RSPRY1: variants seen among roughly 807,000 people sequenced by gnomAD.
The protein encoded by RSPRY1 is RING finger and SPRY domain-containing protein 1.
RSPRY1 carries 23 observed loss-of-function variants against 73.1 expected under a neutral mutation model. The ratio of observed to expected loss-of-function variants is 0.31; its 90% CI spans 0.23 to 0.45. RSPRY1 has a LOEUF of 0.45. Among genes scored for constraint, RSPRY1 ranks in the 20% least tolerant of loss-of-function variants. The pLI, the probability that RSPRY1 is intolerant of heterozygous loss-of-function variation, is 1.00. For synonymous variants in RSPRY1, 226 were observed against 251.4 expected (o/e 0.90, Z 0.95); for missense variants, 448 against 698.7 (o/e 0.64, Z 4.05).
At chr16:57,191,092 TAGA>T (rs1332283618) in intron 1 of RSPRY1, among the ~76,000 whole-genome samples, 4 of 152,180 alleles carry the variant, frequency 2.6e-5, no homozygotes, top group Non-Finnish European at 5.9e-5. Context: ...GTACCTCAAA[TAGA>T]AGGTTTGAAA....
chr16:57,198,864 G>C (rs115919665), intron 1 of RSPRY1, among the ~76,000 whole-genome samples: 1 of 152,214 alleles, frequency 6.6e-6, no homozygotes, highest in African/African-American at 2.4e-5. Flanking sequence ...CCCCTCTGCT[G>C]TGGCAATGTT....
At chr16:57,237,388 C>T (rs2075315792) in intron 14 of RSPRY1, among the ~76,000 whole-genome samples, 1 of 152,030 alleles carries the variant, frequency 6.6e-6, no homozygotes, top group Non-Finnish European at 1.5e-5. Context: ...AGTAATCCAC[C>T]TGCCTTGGCC....
intron 14 of RSPRY1, among the ~76,000 whole-genome samples, chr16:57,237,690 T>A (rs35358243): frequency 6.6e-5 from 10 of 151,104 alleles, no homozygotes; most frequent in Non-Finnish European, 8.8e-5. Flanking sequence ...TTTTTTTATT[T>A]TTATTTATTT....
chr16:57,217,035 T>C lies in RSPRY1; in HGVS notation c.901T>C (p.Phe301Leu), dbSNP rs759509867. The change falls in exon 8 of 15, where the codon TTT (phenylalanine) becomes CTT (leucine). Residue 301 changes from phenylalanine to leucine, a missense_variant and splice_region_variant. Phe to Leu is a conservative substitution (Grantham distance 22). Coordinates refer to ENST00000394420, the MANE Select transcript of RSPRY1 (RefSeq NM_133368.3). ...FCAQWSLDNL[F>L]LKEGRQLTYE... ...TGCCCAGTGGAGCTTAGACAATCTC[T>C]GTAAGTGGGAGTTGTCCTTTATTAA... 5.0e-6 allele frequency: 8 copies of C among 1,614,130 alleles called. No homozygotes were observed. In the Admixed American group the frequency reaches 1.0e-4, roughly 20 times the overall value.
chr16:57,189,480 T>C (rs1252999257), intron 1 of RSPRY1, among the ~76,000 whole-genome samples: 1 of 151,688 alleles, frequency 6.6e-6, no homozygotes, highest in Non-Finnish European at 1.5e-5. Context: ...ATCTGAGTTA[T>C]GTAGCACTGT....
chr16:57,237,149 G>A (rs1390235653), intron 14 of RSPRY1, among the ~76,000 whole-genome samples: 2 of 152,086 alleles, frequency 1.3e-5, no homozygotes, highest in Non-Finnish European at 2.9e-5. Context: ...CCCAGGCAAA[G>A]GCAGGTTTTT....
chr16:57,223,034 CT>C (rs2075064248), intron 10 of RSPRY1, among the ~76,000 whole-genome samples: 1 of 152,130 alleles, frequency 6.6e-6, no homozygotes, highest in Non-Finnish European at 1.5e-5. Flanking sequence ...CTGTTGGTTT[CT>C]TTAAAAACAA....
chr16:57,229,952 A>C (rs1227808666), intron 11 of RSPRY1, among the ~76,000 whole-genome samples: 4 of 135,546 alleles, frequency 3.0e-5, no homozygotes, highest in African/African-American at 5.6e-5. Flanking sequence ...TGATCTGCCC[A>C]CCTCGGCCTC....
chr16:57,217,327 C>T (rs1487421132), intron 8 of RSPRY1, among the ~76,000 whole-genome samples: 1 of 152,204 alleles, frequency 6.6e-6, no homozygotes. Flanking sequence ...CTCTTTCCAA[C>T]ACAAATCATC....
In RSPRY1 at chr16:57,236,826, G is replaced by A. The variant is rs548746826; in HGVS notation, c.1634+1598G>A. Among the ~76,000 whole-genome samples the A allele has an allele frequency of 6.6e-5, 10 of 152,174 alleles. No individual in the cohort carries two copies. The East Asian group carries it at 9.7e-4, about 15-fold the overall frequency. On this transcript the variant is annotated intron_variant, in intron 14 of 14. Transcript: ENST00000394420. ...ATATTAGAAAGTAAGACCTAGCAAC[G>A]CAACTGGCAGGGGGAGTTATCTTAG... is the stretch of plus-strand genomic sequence containing the variant.
At chr16:57,193,455 A>G (rs139524254) in intron 1 of RSPRY1, among the ~76,000 whole-genome samples, 256 of 150,826 alleles carry the variant, frequency 1.7e-3, no homozygotes, top group Non-Finnish European at 3.1e-3. Context: ...CACAATCTTC[A>G]GTAAGAAGAT....
chr16:57,188,781 G>A (rs2074297743), intron 1 of RSPRY1, among the ~76,000 whole-genome samples: 1 of 152,048 alleles, frequency 6.6e-6, no homozygotes, highest in Non-Finnish European at 1.5e-5. Flanking sequence ...CTCCCAAAGT[G>A]CCGGGATTAC....
chr16:57,213,225 A>G, intron 5 of RSPRY1, 127 bp downstream of exon 5: 1 of 883,932 alleles, frequency 1.1e-6, no homozygotes, highest in South Asian at 2.6e-5. Context: ...ATTGAGAGAC[A>G]TAGACTAACT....
chr16:57,195,398 G>A (rs1302751077), intron 1 of RSPRY1, among the ~76,000 whole-genome samples: 2 of 152,162 alleles, frequency 1.3e-5, no homozygotes, highest in East Asian at 3.9e-4. Context: ...TGTAATCCCA[G>A]CTATTCGGGT....
At chr16:57,200,640 G>T (rs1260236963) in intron 1 of RSPRY1, among the ~76,000 whole-genome samples, 10 of 143,972 alleles carry the variant, frequency 6.9e-5, no homozygotes, top group African/African-American at 7.7e-5. Flanking sequence ...CTCCCGGACG[G>T]GGCGGCTGGC....
chr16:57,199,575 C>T (rs943748286), intron 1 of RSPRY1, among the ~76,000 whole-genome samples: 2 of 152,184 alleles, frequency 1.3e-5, no homozygotes. Context: ...TTAGTTATCT[C>T]TGGGAAAGGC....
At chr16:57,189,123 AACTG>A (rs1219974010) in intron 1 of RSPRY1, among the ~76,000 whole-genome samples, 9 of 151,580 alleles carry the variant, frequency 5.9e-5, no homozygotes, top group African/African-American at 2.2e-4. Flanking sequence ...CCTCCCAAGT[AACTG>A]GGATTACAGG....
chr16:57,220,667 G>C (rs2075019769), intron 8 of RSPRY1, 65 bp from the exon 9 acceptor site: 2 of 957,054 alleles, frequency 2.1e-6, no homozygotes, highest in Non-Finnish European at 3.4e-6. Flanking sequence ...GCTGTAGCTG[G>C]CACTAGCTTC....
At chr16:57,208,944 A>G in intron 3 of RSPRY1, 131 bp from the exon 4 acceptor site, 1 of 607,950 alleles carries the variant, frequency 1.6e-6, no homozygotes, top group Non-Finnish European at 2.9e-6. Flanking sequence ...GATTATGTCC[A>G]TGCCAAATAT....
Sources: allele counts gnomAD v4.1 joint callset (sites outside exome capture counted in the v4.1 genomes callset), GRCh38; gene constraint gnomAD v4.1.1; transcripts MANE v1.5; gene names NCBI Gene and HGNC (gene_info 2026-07-23, HGNC 2026-07-21).